TANGO6: variants seen among roughly 807,000 people sequenced by gnomAD.
TANGO6 encodes the protein transport and Golgi organization protein 6 homolog.
TANGO6 carries 90 observed loss-of-function variants against 114.2 expected under a neutral mutation model. That is an observed-to-expected ratio of 0.79 (90% CI 0.66 to 0.94). The LOEUF (loss-of-function observed/expected upper bound fraction) is 0.94, where lower values mean the gene tolerates loss of function less well. Ranked by LOEUF, TANGO6 falls within the 40% of genes least tolerant of loss-of-function variation. The pLI is 0.00. For missense variants in TANGO6, 1,274 were observed against 1,315.3 expected (o/e 0.97, Z 0.49); for synonymous variants, 477 against 509.8 (o/e 0.94, Z 0.87).
At chr16:69,015,606 C>T (rs1301555158) in intron 15 of TANGO6, among the ~76,000 whole-genome samples, 4 of 151,870 alleles carry the variant, frequency 2.6e-5, no homozygotes, top group Non-Finnish European at 4.4e-5. Context: ...CTCAGCTTCC[C>T]GAGTAGCTGG....
chr16:68,938,085 A>C (rs1266201644), intron 14 of TANGO6, among the ~76,000 whole-genome samples: 1 of 152,096 alleles, frequency 6.6e-6, no homozygotes, highest in East Asian at 1.9e-4. Flanking sequence ...CAATTTTTCC[A>C]CAGCTTTGCC....
chr16:68,915,196 G>C (rs943471684), intron 11 of TANGO6, among the ~76,000 whole-genome samples: 2 of 151,162 alleles, frequency 1.3e-5, no homozygotes, highest in South Asian at 2.1e-4. Flanking sequence ...AAAAAAAGTG[G>C]AGAGGAATTT....
chr16:68,904,712 A>G (rs1408076658), intron 9 of TANGO6, among the ~76,000 whole-genome samples: 1 of 152,222 alleles, frequency 6.6e-6, no homozygotes, highest in African/African-American at 2.4e-5. Context: ...GTCAACTAGT[A>G]TCTTATTTTC....
At chr16:69,071,873 C>T (rs1424965437) in intron 17 of TANGO6, among the ~76,000 whole-genome samples, 1 of 152,232 alleles carries the variant, frequency 6.6e-6, no homozygotes, top group Non-Finnish European at 1.5e-5. Context: ...CAGTCTTTTA[C>T]TCACACCTTC....
In TANGO6 at chr16:69,040,300, C is replaced by T. The variant is rs938922258; in HGVS notation, c.2995-8C>T. 5.6e-6 allele frequency: 9 copies of T among 1,593,838 alleles called. No individual in the cohort carries two copies. In the Admixed American group the frequency reaches 1.6e-4, roughly 28 times the overall value. On this transcript the variant is annotated splice_polypyrimidine_tract_variant and splice_region_variant and intron_variant, in intron 16 of 17. Transcript: ENST00000261778. ...TCTTATCAACTTCATCTTCCTTCAT[C>T]CTCCTAGGTAACAGCTTGCCTGATT...
At chr16:68,975,134 A>G (rs962416343) in intron 15 of TANGO6, among the ~76,000 whole-genome samples, 8 of 152,156 alleles carry the variant, frequency 5.3e-5, no homozygotes, top group African/African-American at 1.7e-4. Flanking sequence ...GGTTGTCCAT[A>G]TATATAATCT....
In TANGO6 at chr16:68,988,692, C is replaced by CTCTT. The variant is rs776428911; in HGVS notation, c.2842+14525_2842+14526insCTTT. Among the ~76,000 whole-genome samples the CTCTT allele has an allele frequency of 3.0e-3, 335 of 112,450 alleles. 5 individuals are homozygous for CTCTT. The highest frequency in any genetic ancestry group is 0.012 in the African/African-American group (325 of 28,158). 73.8% of individuals were successfully genotyped at this position (112,450 alleles called of 152,430 possible). ...TAGTTAGAGTTTAAGTTCTCTCTCT[C>CTCTT]TTTTTTTTTTTTTTTTTTTTTGAGA... On this transcript the variant is annotated intron_variant, in intron 15 of 17. Coordinates refer to ENST00000261778, the MANE Select transcript of TANGO6 (RefSeq NM_024562.2).
At chr16:68,932,095 A>T (rs190270045) in intron 14 of TANGO6, among the ~76,000 whole-genome samples, 2,652 of 142,982 alleles carry the variant, frequency 0.019, 32 homozygotes, top group African/African-American at 0.04. Flanking sequence ...AATAAAAAAA[A>T]TTTTTTTTTT....
At position 68,875,255 on chromosome 16, in the gene TANGO6, T is replaced by G. The variant is rs568433104; in HGVS notation, c.1096T>G (p.Ser366Ala). 6.2e-7 allele frequency: 1 copy of G among 1,613,790 alleles called. No homozygotes were observed. Among genetic ancestry groups the G allele is most frequent in the Admixed American group, 1.7e-5 (1 of 60,008 alleles). The change falls in exon 5 of 18, where the codon TCA becomes GCA. Residue 366 changes from serine (S) to alanine (A), a missense_variant. Physicochemically the swap from Ser to Ala is moderately conservative, Grantham distance 99. Around this residue, in one of 5 missense-constraint regions of TANGO6, gnomAD observed 908 missense variants for 910.2 expected, o/e 1.00. Transcript: ENST00000261778. ...GGCCTCTTGTCCCCAGCAGTCTCTT[T>G]CACCAGAGAATTACTACAGGGACAT... ...ILASCPQQSL[S>A]PENYYRDICP...
chr16:69,061,739 CG>C (rs764652506), intron 17 of TANGO6, among the ~76,000 whole-genome samples: 2 of 151,154 alleles, frequency 1.3e-5, no homozygotes, highest in Admixed American at 6.6e-5. Flanking sequence ...CATTTCCGGC[CG>C]GGCGCGCGGT....
intron 17 of TANGO6, among the ~76,000 whole-genome samples, chr16:69,053,507 T>C (rs1959986685): frequency 6.6e-6 from 1 of 152,180 alleles, no homozygotes; most frequent in Non-Finnish European, 1.5e-5. Context: ...TTCAGACACA[T>C]CAGGTAATCT....
intron 5 of TANGO6, among the ~76,000 whole-genome samples, chr16:68,877,796 G>A (rs1270479020): frequency 6.6e-6 from 1 of 152,068 alleles, no homozygotes; most frequent in African/African-American, 2.4e-5. Context: ...TTTTAGTAGA[G>A]ACAGGGTTTC....
At chr16:69,005,833 C>T (rs1393613961) in intron 15 of TANGO6, among the ~76,000 whole-genome samples, 1 of 151,652 alleles carries the variant, frequency 6.6e-6, no homozygotes, top group Non-Finnish European at 1.5e-5. Flanking sequence ...TCATTTTACC[C>T]AGCCCCTATT....
intron 11 of TANGO6, among the ~76,000 whole-genome samples, chr16:68,915,098 C>T (rs1188624088): frequency 1.4e-5 from 2 of 147,314 alleles, no homozygotes; most frequent in Non-Finnish European, 3.0e-5. Flanking sequence ...TGCTTGAACC[C>T]GGGAGGTGGA....
chr16:68,930,793 G>A (rs935509757), intron 14 of TANGO6, among the ~76,000 whole-genome samples: 13 of 151,810 alleles, frequency 8.6e-5, no homozygotes, highest in Admixed American at 7.9e-4. Context: ...CCGCCACCAC[G>A]CCCAGCTAAT....
At chr16:69,028,887 C>CT (rs1959549436) in intron 16 of TANGO6, among the ~76,000 whole-genome samples, 1 of 148,082 alleles carries the variant, frequency 6.8e-6, no homozygotes, top group African/African-American at 2.5e-5. Flanking sequence ...AAAAGAAAAA[C>CT]TACATAGCCA....
chr16:68,882,138 A>T (rs1414188545), intron 7 of TANGO6, among the ~76,000 whole-genome samples: 2 of 152,152 alleles, frequency 1.3e-5, no homozygotes, highest in Non-Finnish European at 1.5e-5. Flanking sequence ...CAAAAAGTTA[A>T]ACCTGGAGTT....
chr16:68,985,698 G>A (rs1963882361), intron 15 of TANGO6, among the ~76,000 whole-genome samples: 1 of 152,182 alleles, frequency 6.6e-6, no homozygotes, highest in Non-Finnish European at 1.5e-5. Flanking sequence ...AGGTGACAGA[G>A]TGAGACCCTG....
chr16:68,978,988 G>A (rs891977896), intron 15 of TANGO6, among the ~76,000 whole-genome samples: 14 of 148,778 alleles, frequency 9.4e-5, no homozygotes, highest in African/African-American at 1.5e-4. Context: ...GCAGTGGTGC[G>A]ATCATGGCTT....
Sources: allele counts gnomAD v4.1 joint callset (sites outside exome capture counted in the v4.1 genomes callset), GRCh38; gene constraint gnomAD v4.1.1; regional missense constraint gnomAD v4.1.1; transcripts MANE v1.5; gene names NCBI Gene and HGNC (gene_info 2026-07-23, HGNC 2026-07-21).